Variants in NFIC observed in about 807,000 individuals in gnomAD.
NFIC encodes nuclear factor I C, also known as nuclear factor 1 C-type.
A neutral mutation model predicts 54.4 loss-of-function variants in NFIC; 12 were observed. That is an observed-to-expected ratio of 0.22 (90% CI 0.14 to 0.36). The LOEUF (loss-of-function observed/expected upper bound fraction) is 0.36. Ranked by LOEUF, NFIC falls within the 10% of genes least tolerant of loss-of-function variation. The pLI is 1.00. For synonymous variants in NFIC, 322 were observed against 319.2 expected, an observed-to-expected ratio of 1.01 and a Z score of -0.09; for missense variants, 575 against 718.2, an observed-to-expected ratio of 0.80 and a Z score of 2.28.
rs2082603940 is a variant in NFIC, at chr19:3,459,148, T to C, written c.1509+2513T>C. Among the ~76,000 whole-genome samples, 1 of 152,090 alleles carries C rather than the reference T, an allele frequency of 6.6e-6. No individual in the cohort carries two copies. Among genetic ancestry groups the C allele is most frequent in the Non-Finnish European group, 1.5e-5 (1 of 67,990 alleles). ...CTTCTGCCTCCGCCTCCTCTATTCC[T>C]GGCGGATTCGCTTCCCTCTGCCCCC... On this transcript the variant is annotated intron_variant, in intron 10 of 10. Transcript: ENST00000443272. The surrounding 1 kb of genome is among the most constrained non-coding windows in gnomAD (Gnocchi z 4.2).
intron 2 of NFIC, among the ~76,000 whole-genome samples, chr19:3,422,265 G>T (rs1313315948): frequency 1.3e-5 from 2 of 151,658 alleles, no homozygotes; most frequent in Non-Finnish European, 2.9e-5. Context: ...GTAAAAACGG[G>T]GTCTCACTAT....
At chr19:3,433,655 G>T in intron 4 of NFIC, 63 bp downstream of exon 4, 3 of 1,547,192 alleles carry the variant, frequency 1.9e-6, no homozygotes, top group Non-Finnish European at 1.8e-6. Context: ...AGGGAGGAAG[G>T]AGCCCACCCC....
At chr19:3,446,388 G>A (rs1157174930) in intron 6 of NFIC, among the ~76,000 whole-genome samples, 1 of 151,050 alleles carries the variant, frequency 6.6e-6, no homozygotes, top group Admixed American at 6.6e-5. Context: ...TGTTACAACC[G>A]GGGGTGCTCC....
intron 6 of NFIC, among the ~76,000 whole-genome samples, chr19:3,447,413 G>T (rs2082389577): frequency 1.3e-5 from 2 of 152,094 alleles, no homozygotes; most frequent in Admixed American, 1.3e-4. Flanking sequence ...TTGGGGCTCT[G>T]TGTTCCCACT....
At chr19:3,425,436 T>C (rs541706757) in intron 3 of NFIC, among the ~76,000 whole-genome samples, 2 of 152,070 alleles carry the variant, frequency 1.3e-5, no homozygotes, top group Admixed American at 1.3e-4. Context: ...CGTTTGAGGG[T>C]TTTTGTTTGT....
At chr19:3,450,033 C>T (rs1045669947) in intron 7 of NFIC, among the ~76,000 whole-genome samples, 4 of 150,508 alleles carry the variant, frequency 2.7e-5, no homozygotes, top group African/African-American at 7.3e-5. Context: ...CCAACCTGGG[C>T]GACAGAGCAA....
chr19:3,436,684 A>G (rs970763676), intron 6 of NFIC, among the ~76,000 whole-genome samples: 14 of 150,710 alleles, frequency 9.3e-5, no homozygotes, highest in Non-Finnish European at 1.9e-4. Flanking sequence ...CATGTTGGCC[A>G]GTCTGGTCTC....
At chr19:3,372,761 T>A (rs1209902476) in intron 1 of NFIC, among the ~76,000 whole-genome samples, 2 of 150,128 alleles carry the variant, frequency 1.3e-5, no homozygotes, top group Admixed American at 6.6e-5. Flanking sequence ...AGTTCCTCCC[T>A]GACTGTGTGA....
At chr19:3,428,050 A>T (rs967648646) in intron 3 of NFIC, among the ~76,000 whole-genome samples, 7 of 151,738 alleles carry the variant, frequency 4.6e-5, no homozygotes, top group Admixed American at 2.0e-4. Context: ...CATGCCTGTA[A>T]TCCCAGCTAC....
chr19:3,428,744 C>T (rs1157793374), intron 3 of NFIC, among the ~76,000 whole-genome samples: 1 of 152,100 alleles, frequency 6.6e-6, no homozygotes, highest in Non-Finnish European at 1.5e-5. Context: ...GAGGAAATCA[C>T]GTCCTCCCAG....
At chr19:3,409,738 G>T (rs892449099) in intron 2 of NFIC, among the ~76,000 whole-genome samples, 2 of 152,348 alleles carry the variant, frequency 1.3e-5, no homozygotes, top group African/African-American at 4.8e-5. Context: ...CCACGGACAG[G>T]AGAGAACAGT....
intron 1 of NFIC, among the ~76,000 whole-genome samples, chr19:3,374,884 G>A (rs2081078843): frequency 6.6e-6 from 1 of 152,180 alleles, no homozygotes; most frequent in Admixed American, 6.5e-5. Flanking sequence ...GGATGGGGCA[G>A]CAGGTCCATG....
chr19:3,363,238 T>TGC (rs1555736625), upstream of NFIC, among the ~76,000 whole-genome samples: 60 of 64,604 alleles, frequency 9.3e-4, no homozygotes, highest in East Asian at 2.1e-3. Context: ...TGTGTATGTG[T>TGC]GTGTATATAT....
rs1394006490 is a variant in NFIC at position 3,463,562 on chromosome 19, T to A, written c.*793T>A. The A allele has an allele frequency of 1.0e-6, 1 of 983,498 alleles. No individual in the cohort carries two copies. The highest frequency in any genetic ancestry group is 1.2e-6 in the Non-Finnish European group (1 of 829,462). The allele number at this position is 983,498 out of a possible 1,614,324, so 60.9% of individuals were successfully genotyped here. ...GCCGACTCGCTGTCTCGCTGGGGACTCTTTCAGCCCTCGCGCCCGCCCGTT... is the reference window on the plus strand; with the variant it reads ...GCCGACTCGCTGTCTCGCTGGGGACACTTTCAGCCCTCGCGCCCGCCCGTT... On this transcript the variant is annotated 3_prime_UTR_variant, in exon 11 of 11. Transcript: ENST00000443272.
intron 7 of NFIC, among the ~76,000 whole-genome samples, chr19:3,451,193 A>G (rs919465223): frequency 1.3e-5 from 2 of 152,228 alleles, no homozygotes; most frequent in African/African-American, 4.8e-5. Context: ...AAGAGAAGCC[A>G]GACAAAAAGG....
chr19:3,447,496 A>T (rs1402583040), intron 6 of NFIC, among the ~76,000 whole-genome samples: 1 of 152,172 alleles, frequency 6.6e-6, no homozygotes, highest in Non-Finnish European at 1.5e-5. Context: ...TAGCAGCAGC[A>T]GCGGCTCCTG....
intron 2 of NFIC, among the ~76,000 whole-genome samples, chr19:3,422,036 G>T (rs966053602): frequency 2.6e-5 from 4 of 151,956 alleles, no homozygotes; most frequent in Non-Finnish European, 5.9e-5. Flanking sequence ...TCCGGGGTTC[G>T]AGCGATTCTC....
At chr19:3,409,109 G>C (rs1228734125) in intron 2 of NFIC, among the ~76,000 whole-genome samples, 1 of 152,038 alleles carries the variant, frequency 6.6e-6, no homozygotes, top group African/African-American at 2.4e-5. Context: ...TAAAACCCAG[G>C]CCTCTCACTG....
chr19:3,411,328 C>CTT (rs11420547), intron 2 of NFIC: 44,466 of 104,650 alleles, frequency 0.42, 12,943 homozygotes, highest in Non-Finnish European at 0.55. Context: ...CCCTCCAGTG[C>CTT]TTTTTTTTTT....
Sources: gnomAD v4.1 joint callset for allele counts (sites outside exome capture counted in the v4.1 genomes callset) on GRCh38, gnomAD v4.1.1 for gene constraint, Gnocchi (gnomAD v3.1) non-coding constraint, MANE v1.5 for transcripts, NCBI Gene and HGNC (gene_info 2026-07-23, HGNC 2026-07-21) for gene names.